RPP38: variants seen among roughly 807,000 people sequenced by gnomAD.
RPP38 encodes ribonuclease P protein subunit p38.
In RPP38, 2 loss-of-function variants were observed where a neutral mutation model predicts 1.7. The ratio of observed to expected loss-of-function variants is 1.18; its 90% CI spans 0.48 to 3.70. RPP38 has a LOEUF of 3.70. Among genes scored for constraint, RPP38 ranks in the 30% most tolerant of loss-of-function variants. The pLI is 0.07. For missense variants in RPP38, 358 were observed against 340.1 expected (o/e 1.05, Z -0.41); for synonymous variants, 151 against 131.8 (o/e 1.15, Z -1.00).
At chr10:15,100,307 T>G (rs1302200503) in intron 1 of RPP38, among the ~76,000 whole-genome samples, 2 of 152,110 alleles carry the variant, frequency 1.3e-5, no homozygotes, top group African/African-American at 4.8e-5. Context: ...GTCACTTATT[T>G]CCCTCTTCCT....
intron 1 of RPP38, among the ~76,000 whole-genome samples, chr10:15,098,388 C>A (rs1188099868): frequency 6.6e-6 from 1 of 151,150 alleles, no homozygotes; most frequent in Non-Finnish European, 1.5e-5. Context: ...CCACGCCCGG[C>A]TAATTTTCGT....
At chr10:15,098,381 C>T (rs113769733) in intron 1 of RPP38, among the ~76,000 whole-genome samples, 5,884 of 150,956 alleles carry the variant, frequency 0.039, 374 homozygotes, top group African/African-American at 0.14. Context: ...CCTGCCACCA[C>T]GCCCGGCTAA....
chr10:15,098,540 T>C lies in RPP38; in HGVS notation c.-130+774T>C, dbSNP rs527583758. Among the ~76,000 whole-genome samples, 12 of 151,054 alleles carry C rather than the reference T, an allele frequency of 7.9e-5. No individual in the cohort carries two copies. In the East Asian group the frequency reaches 2.4e-3, roughly 30 times the overall value. On this transcript the variant is annotated intron_variant, in intron 1 of 2. Coordinates refer to ENST00000378197, the MANE Select transcript of RPP38 (RefSeq NM_183005.5). Reference sequence around the variant, plus strand: ...CCAGCCAACTTATTTCTTTTAATACTGAGATACCTTTCTTTACTCCATACT... The same window carrying C: ...CCAGCCAACTTATTTCTTTTAATACCGAGATACCTTTCTTTACTCCATACT...
chr10:15,101,831 A>G (rs535679679), intron 1 of RPP38, among the ~76,000 whole-genome samples: 112 of 152,278 alleles, frequency 7.4e-4, no homozygotes, highest in African/African-American at 2.5e-3. Context: ...CAGAGGTTGC[A>G]ATAAGCTGAG....
intron 2 of RPP38, chr10:15,102,731 A>C (rs1200727351): frequency 1.3e-5 from 2 of 152,214 alleles, no homozygotes; most frequent in Non-Finnish European, 2.9e-5. Flanking sequence ...AAAATTAAAC[A>C]CTACTCACCC....
Position 15,103,809 on chromosome 10 carries a change from T to C in RPP38, c.495T>C (p.Ser165=). ...CTGCCTGTCAGGTCCCCCGGCTCAG[T>C]GAGAGAATCGCCCCCGTCATTGGCT... The part of the protein sequence containing the change: ...SVPACQVPRL[S]ERIAPVIGLK... Residue 165 remains serine, a synonymous_variant, in exon 3 of 3, where the codon AGT becomes AGC. Transcript: ENST00000378197. 6.2e-7 allele frequency: 1 copy of C among 1,614,006 alleles called. No homozygotes were observed. The highest frequency in any genetic ancestry group is 8.5e-7 in the Non-Finnish European group (1 of 1,180,020).
chr10:15,100,159 T>G (rs1198149213), intron 1 of RPP38, among the ~76,000 whole-genome samples: 1 of 152,222 alleles, frequency 6.6e-6, no homozygotes, highest in African/African-American at 2.4e-5. Flanking sequence ...ATTCTGCAGG[T>G]GGGACAAGTT....
At chr10:15,103,271 G>T in intron 2 of RPP38, 34 bp from the exon 3 acceptor site, 1 of 1,536,166 alleles carries the variant, frequency 6.5e-7, no homozygotes, top group South Asian at 1.3e-5. Context: ...TCGCTAACAT[G>T]AATTTTTTCT....
At chr10:15,098,868 G>A (rs1193588843) in intron 1 of RPP38, among the ~76,000 whole-genome samples, 2 of 127,814 alleles carry the variant, frequency 1.6e-5, no homozygotes, top group East Asian at 2.3e-4. Flanking sequence ...CCTGGCGACA[G>A]AATGAGACTC....
At chr10:15,103,198 A>T (rs1845168910) in intron 2 of RPP38, 107 bp from the exon 3 acceptor site, 1 of 1,085,874 alleles carries the variant, frequency 9.2e-7, no homozygotes, top group Non-Finnish European at 1.3e-6. Flanking sequence ...GTCTCAAAAA[A>T]TAAATACATA....
chr10:15,101,557 T>C (rs1022024382), intron 1 of RPP38, among the ~76,000 whole-genome samples: 1 of 152,176 alleles, frequency 6.6e-6, no homozygotes, highest in African/African-American at 2.4e-5. Context: ...CTAGTCTTCA[T>C]GGAATTGCCA....
chr10:15,099,908 A>G (rs903753913), intron 1 of RPP38, among the ~76,000 whole-genome samples: 3 of 152,224 alleles, frequency 2.0e-5, no homozygotes, highest in Non-Finnish European at 2.9e-5. Flanking sequence ...GCAGTGAGCC[A>G]TGATCGAACG....
At position 15,103,793 on chromosome 10, in the gene RPP38, A is replaced by G; in HGVS notation, c.479A>G (p.Gln160Arg). 1 of 1,614,014 alleles carries G rather than the reference A, an allele frequency of 6.2e-7. No individual in the cohort carries two copies. Among genetic ancestry groups the G allele is most frequent in the African/African-American group, 1.3e-5 (1 of 75,026 alleles). The change falls in exon 3 of 3, where the codon CAG becomes CGG. Residue 160 changes from glutamine (Q) to arginine (R), a missense_variant. By Grantham distance (43) the Gln-to-Arg change is conservative (BLOSUM62 1). Transcript: ENST00000378197. Reference sequence around the variant, plus strand: ...CTAAGCAGAAGTGTCCCTGCCTGTCAGGTCCCCCGGCTCAGTGAGAGAATC... The same window carrying G: ...CTAAGCAGAAGTGTCCCTGCCTGTCGGGTCCCCCGGCTCAGTGAGAGAATC... ...LSLSRSVPAC[Q>R]VPRLSERIAP...
chr10:15,103,409 GCTGGAGCGCT>G lies in RPP38; in HGVS notation c.102_111del (p.Ser34ArgfsTer36), dbSNP rs755936435. On this transcript the variant is annotated frameshift_variant, in exon 3 of 3. Transcript: ENST00000378197. LOFTEE classifies it low-confidence loss of function (END_TRUNC). Reference sequence around the variant, plus strand: ...TCGTTGAACAACCCATACATCATCCGCTGGAGCGCTCTGGAGAGCGAGGATATGCACTTCA... The same window carrying G: ...TCGTTGAACAACCCATACATCATCCGCTGGAGAGCGAGGATATGCACTTCA... 3.7e-5 allele frequency: 60 copies of G among 1,614,058 alleles called. No individual in the cohort carries two copies. Among genetic ancestry groups the G allele is most frequent in the Non-Finnish European group, 4.6e-5 (54 of 1,180,052 alleles).
In RPP38 at chr10:15,103,324, G is replaced by C; in HGVS notation, c.10G>C (p.Ala4Pro). The change falls in exon 3 of 3, where the codon GCT becomes CCT. Residue 4 changes from alanine to proline, a missense_variant. Transcript: ENST00000378197. MAA[A>P]PQAPGRGSLR... ...TGGAAGGATTTTCAAAATGGCTGCAGCTCCTCAAGCACCGGGGCGGGGATC... is the reference window on the plus strand; with the variant it reads ...TGGAAGGATTTTCAAAATGGCTGCACCTCCTCAAGCACCGGGGCGGGGATC... 1 of 1,567,664 alleles carries C rather than the reference G, an allele frequency of 6.4e-7. No individual in the cohort carries two copies. The highest frequency in any genetic ancestry group is 8.6e-7 in the Non-Finnish European group (1 of 1,160,750).
intron 1 of RPP38, among the ~76,000 whole-genome samples, chr10:15,101,255 C>T (rs1487997173): frequency 6.6e-6 from 1 of 152,202 alleles, no homozygotes; most frequent in Admixed American, 6.5e-5. Flanking sequence ...TACAGCGATA[C>T]ACTGCACAGA....
chr10:15,098,226 G>T (rs370187739), intron 1 of RPP38, among the ~76,000 whole-genome samples: 5 of 87,996 alleles, frequency 5.7e-5, no homozygotes, highest in South Asian at 3.8e-4. Flanking sequence ...ATTTGAACGT[G>T]TTTTTTTTTT....
chr10:15,101,253 T>TA (rs1189320330), intron 1 of RPP38, among the ~76,000 whole-genome samples: 5 of 152,228 alleles, frequency 3.3e-5, no homozygotes, highest in African/African-American at 1.2e-4. Flanking sequence ...TATACAGCGA[T>TA]ACACTGCACA....
In RPP38 at chr10:15,097,556, G is replaced by C. The variant is rs1844972969; in HGVS notation, c.-340G>C. The stretch of plus-strand genomic sequence containing the variant: ...CTGTTGCGTGGCCGCAGGACCCGCC[G>C]CCCTCCCGGTTGGGCCGCCCAGTCC... On this transcript the variant is annotated 5_prime_UTR_variant, in exon 1 of 3. Transcript: ENST00000378197. 6.6e-6 allele frequency: 1 copy of C among 152,266 alleles called. No individual in the cohort carries two copies. Among genetic ancestry groups the C allele is most frequent in the African/African-American group, 2.4e-5 (1 of 41,464 alleles). 9.4% of individuals were successfully genotyped at this position (152,266 alleles called of 1,614,324 possible).
Sources: gnomAD v4.1 joint callset for allele counts (sites outside exome capture counted in the v4.1 genomes callset) on GRCh38, gnomAD v4.1.1 for gene constraint, MANE v1.5 for transcripts, NCBI Gene and HGNC (gene_info 2026-07-23, HGNC 2026-07-21) for gene names.